The following TUT4 variants were observed in gnomAD, a reference collection of about 807,000 sequenced individuals.
TUT4 encodes the protein terminal uridylyl transferase 4, also known as terminal uridylyltransferase 4.
A neutral mutation model predicts 192.2 loss-of-function variants in TUT4; 36 were observed. The observed-to-expected ratio is 0.19, with a 90% CI of 0.14 to 0.25. The LOEUF (loss-of-function observed/expected upper bound fraction) is 0.25. Among genes scored for constraint, TUT4 ranks in the 10% least tolerant of loss-of-function variants. The pLI is 1.00. For missense variants in TUT4, 1,493 were observed against 1,957.2 expected (o/e 0.76, Z 4.47); for synonymous variants, 618 against 666.0 (o/e 0.93, Z 1.11).
intron 1 of TUT4, among the ~76,000 whole-genome samples, chr1:52,527,221 C>T (rs1201186197): frequency 6.6e-6 from 1 of 152,236 alleles, no homozygotes; most frequent in Non-Finnish European, 1.5e-5. Context: ...GAAGTAAAAA[C>T]GGGTTCAAAT....
chr1:52,447,477 CAAAAAAA>C (rs576050725), intron 20 of TUT4, among the ~76,000 whole-genome samples: 1 of 113,360 alleles, frequency 8.8e-6, no homozygotes, highest in Non-Finnish European at 1.8e-5. Context: ...AACAAAAAAA[CAAAAAAA>C]AAAAAGGAAA....
chr1:52,453,746 T>C (rs866714746), intron 20 of TUT4, among the ~76,000 whole-genome samples: 11 of 152,262 alleles, frequency 7.2e-5, no homozygotes, highest in African/African-American at 2.4e-4. Flanking sequence ...AAGTTCTAGC[T>C]AATGCAATGA....
At chr1:52,435,344 A>T in intron 27 of TUT4, 21 bp downstream of exon 27, 5 of 1,592,688 alleles carry the variant, frequency 3.1e-6, no homozygotes, top group Non-Finnish European at 4.3e-6. Context: ...AGACTAACAC[A>T]TTCACAGGCA....
chr1:52,542,427 T>C (rs929588528), intron 1 of TUT4, among the ~76,000 whole-genome samples: 3 of 152,144 alleles, frequency 2.0e-5, no homozygotes, highest in Admixed American at 6.5e-5. Context: ...AGTTAAAGAA[T>C]TGTACACCAC....
At chr1:52,514,238 C>T (rs559118707) in intron 3 of TUT4, among the ~76,000 whole-genome samples, 1 of 152,162 alleles carries the variant, frequency 6.6e-6, no homozygotes, top group Non-Finnish European at 1.5e-5. Flanking sequence ...GTCAGGAGTT[C>T]GAGACCAAAC....
In TUT4 at chr1:52,423,675, C is replaced by T; in HGVS notation, c.*260G>A. ...GTAATAAAATAGATGAAATTTGTAT[C>T]ACTCAATTTGGTGATACTAGTAAAA... On this transcript the variant is annotated 3_prime_UTR_variant, in exon 30 of 30. Coordinates refer to ENST00000257177, the MANE Select transcript of TUT4 (RefSeq NM_001009881.3). 1.6e-6 allele frequency: 1 copy of T among 634,458 alleles called. No individual in the cohort carries two copies. Among genetic ancestry groups the T allele is most frequent in the African/African-American group, 1.9e-5 (1 of 53,936 alleles). 39.3% of individuals were successfully genotyped at this position (634,458 alleles called of 1,614,324 possible). A position where few individuals can be genotyped will look rare whatever the true frequency, so the allele number is the denominator to read the frequency against.
intron 19 of TUT4, among the ~76,000 whole-genome samples, chr1:52,459,780 C>A (rs1662040152): frequency 1.3e-5 from 2 of 151,310 alleles, no homozygotes; most frequent in South Asian, 4.2e-4. Context: ...ACTCTGGAGG[C>A]TGAGGCAGGG....
intron 25 of TUT4, 74 bp downstream of exon 25, chr1:52,438,146 T>C: frequency 8.4e-7 from 1 of 1,185,360 alleles, no homozygotes; most frequent in African/African-American, 1.5e-5. Context: ...TAAACATTTC[T>C]GAACATAATT....
chr1:52,474,459 G>T (rs150769457), intron 13 of TUT4, among the ~76,000 whole-genome samples: 1 of 152,030 alleles, frequency 6.6e-6, no homozygotes. Context: ...TTATTTTGGG[G>T]GGGGAAGAAA....
intron 20 of TUT4, among the ~76,000 whole-genome samples, chr1:52,455,765 T>C (rs1660751708): frequency 6.6e-6 from 1 of 151,800 alleles, no homozygotes; most frequent in Non-Finnish European, 1.5e-5. Context: ...CCTAAAAGAA[T>C]GGCCAAAATC....
intron 4 of TUT4, among the ~76,000 whole-genome samples, chr1:52,503,324 A>T (rs1349569535): frequency 6.6e-6 from 1 of 152,178 alleles, no homozygotes; most frequent in Non-Finnish European, 1.5e-5. Flanking sequence ...TAATTAAATG[A>T]TTATTTAAAT....
intron 1 of TUT4, among the ~76,000 whole-genome samples, chr1:52,529,044 A>AT (rs1363721772): frequency 6.6e-6 from 1 of 152,142 alleles, no homozygotes; most frequent in Non-Finnish European, 1.5e-5. Context: ...AGTCCTCTAC[A>AT]TTCTCTGCCT....
At chr1:52,478,093 G>T (rs1225694371) in intron 11 of TUT4, among the ~76,000 whole-genome samples, 4 of 152,132 alleles carry the variant, frequency 2.6e-5, no homozygotes, top group Admixed American at 1.3e-4. Context: ...CTGAACCAGT[G>T]ATTCTCAACC....
At chr1:52,430,987 T>C in intron 28 of TUT4, 26 bp downstream of exon 28, 1 of 1,531,404 alleles carries the variant, frequency 6.5e-7, no homozygotes, top group Non-Finnish European at 8.8e-7. Flanking sequence ...GACATGCAGA[T>C]AAAAAAGAAG....
Position 52,474,905 on chromosome 1 carries a change from A to T in TUT4, c.2654T>A (p.Leu885His). 6.2e-7 allele frequency: 1 copy of T among 1,614,070 alleles called. No individual in the cohort carries two copies. The highest frequency in any genetic ancestry group is 8.5e-7 in the Non-Finnish European group (1 of 1,180,028). Residue 885 changes from leucine (L) to histidine (H), a missense_variant, in exon 13 of 30, where the codon CTT (leucine) becomes CAT (histidine). Transcript: ENST00000257177. ...NCKATEDASD[L>H]NDDDNLPTQE... ...GGTGGGGAGGTTATCATCATCATTA[A>T]GGTCAGAAGCATCTTCTGTAGCTTT...
At chr1:52,466,678 A>ATT (rs1215504188) in intron 15 of TUT4, among the ~76,000 whole-genome samples, 78 of 136,240 alleles carry the variant, frequency 5.7e-4, no homozygotes, top group African/African-American at 1.6e-3. Context: ...ATATATATAT[A>ATT]TATATTTTTG....
chr1:52,449,646 T>G (rs1200561742), intron 20 of TUT4, among the ~76,000 whole-genome samples: 1 of 152,182 alleles, frequency 6.6e-6, no homozygotes, highest in Non-Finnish European at 1.5e-5. Flanking sequence ...AATATAAAAT[T>G]TACCATCATA....
intron 2 of TUT4, among the ~76,000 whole-genome samples, chr1:52,521,735 G>T (rs547337041): frequency 6.6e-6 from 1 of 151,530 alleles, no homozygotes; most frequent in East Asian, 2.0e-4. Context: ...GGAGGCCAAG[G>T]TGGGTGGATC....
chr1:52,441,815 C>A (rs1655680960), intron 24 of TUT4, among the ~76,000 whole-genome samples: 1 of 151,904 alleles, frequency 6.6e-6, no homozygotes, highest in Admixed American at 6.6e-5. Context: ...TACCTGAATT[C>A]ATATAAGGTA....
Sources: allele counts gnomAD v4.1 joint callset (sites outside exome capture counted in the v4.1 genomes callset), GRCh38; gene constraint gnomAD v4.1.1; transcripts MANE v1.5; gene names NCBI Gene and HGNC (gene_info 2026-07-23, HGNC 2026-07-21).